The following TET2 variants were observed in gnomAD, a reference collection of about 807,000 sequenced individuals.
TET2 encodes tet methylcytosine dioxygenase 2.
In TET2, 299 loss-of-function variants were observed where a neutral mutation model predicts 142.9. The observed-to-expected ratio is 2.09, with a 90% CI of 1.90 to 2.30. The LOEUF (loss-of-function observed/expected upper bound fraction) is 2.30. Ranked by LOEUF, TET2 falls within the 30% of genes most tolerant of loss-of-function variation. The probability of loss-of-function intolerance (pLI) is 0.00; values close to 1 mark genes in which losing one functional copy is unlikely to be tolerated. For synonymous variants in TET2, 819 were observed against 849.0 expected (o/e 0.96, Z 0.61); for missense variants, 2,418 against 2,378.0 (o/e 1.02, Z -0.35).
chr4:105,196,190 T>A (rs978239540), intron 2 of TET2, among the ~76,000 whole-genome samples: 3 of 151,724 alleles, frequency 2.0e-5, no homozygotes, highest in Non-Finnish European at 4.4e-5. Context: ...GATGATCAGT[T>A]CAAAGTACCT....
chr4:105,267,845 A>G (rs567723103), intron 8 of TET2, among the ~76,000 whole-genome samples: 7 of 152,190 alleles, frequency 4.6e-5, no homozygotes, highest in Middle Eastern at 3.4e-3. Context: ...ATGATGTTGA[A>G]AAGACATAAC....
chr4:105,234,820 G>C lies in TET2; in HGVS notation c.878G>C (p.Ser293Thr), dbSNP rs768027669. Reference protein sequence around the residue: ...ELPPKPAAVVSEACDADDADN... With the variant: ...ELPPKPAAVVTEACDADDADN... ...CCTCCAAAGCCAGCTGCAGTGGTGA[G>C]TGAGGCCTGTGATGCTGATGATGCT... The change falls in exon 3 of 11, where the codon AGT becomes ACT. Residue 293 changes from serine to threonine, a missense_variant. By Grantham distance (58) the Ser-to-Thr change is moderately conservative. Transcript: ENST00000380013. 2 of 1,613,986 alleles carry C rather than the reference G, an allele frequency of 1.2e-6. No homozygotes were observed. The highest frequency in any genetic ancestry group is 1.7e-6 in the Non-Finnish European group (2 of 1,179,974).
intron 9 of TET2, 111 bp downstream of exon 9, chr4:105,269,858 C>G: frequency 6.1e-6 from 8 of 1,308,184 alleles, no homozygotes; most frequent in Non-Finnish European, 8.4e-6. Context: ...AATTGACTCA[C>G]AGTTCCACAT....
Position 105,236,295 on chromosome 4 carries a change from T to G in TET2, c.2353T>G (p.Phe785Val). The G allele has an allele frequency of 6.2e-7, 1 of 1,614,080 alleles. No individual in the cohort carries two copies. The highest frequency in any genetic ancestry group is 1.1e-5 in the South Asian group (1 of 91,088). The stretch of plus-strand genomic sequence containing the variant: ...TGGCCAGACTAAAGTGGAAGAATGT[T>G]TTCATGGTGAAAATCAGTATTCAAA... ...FFGQTKVEEC[F>V]HGENQYSKSS... Residue 785 changes from phenylalanine to valine, a missense_variant, in exon 3 of 11, where the codon TTT becomes GTT. Phe to Val is a conservative substitution (Grantham distance 50, BLOSUM62 -1). Transcript: ENST00000380013.
intron 6 of TET2, among the ~76,000 whole-genome samples, chr4:105,253,759 GT>G: frequency 6.6e-6 from 1 of 151,838 alleles, no homozygotes; most frequent in African/African-American, 2.4e-5. Context: ...TAGCTCTATG[GT>G]TTTGTAGATA....
chr4:105,252,623 G>A (rs180812957), intron 6 of TET2, among the ~76,000 whole-genome samples: 3 of 152,194 alleles, frequency 2.0e-5, no homozygotes, highest in Admixed American at 1.3e-4. Context: ...AGTGCCATTT[G>A]CAGAACAAAC....
intron 1 of TET2, among the ~76,000 whole-genome samples, chr4:105,188,399 T>C (rs1560736561): frequency 6.6e-6 from 1 of 152,180 alleles, no homozygotes; most frequent in South Asian, 2.1e-4. Context: ...TTAATGAGTA[T>C]AGAATTTCTG....
chr4:105,253,589 A>T (rs1036053813), intron 6 of TET2, among the ~76,000 whole-genome samples: 16 of 150,830 alleles, frequency 1.1e-4, no homozygotes, highest in African/African-American at 3.7e-4. Flanking sequence ...CTAGGTGATC[A>T]TGTCATCTAG....
chr4:105,263,203 G>A (rs1391932227), intron 8 of TET2, among the ~76,000 whole-genome samples: 1 of 152,130 alleles, frequency 6.6e-6, no homozygotes, highest in Non-Finnish European at 1.5e-5. Flanking sequence ...AGCCTTAGAC[G>A]CTAAATAAAG....
Position 105,235,493 on chromosome 4 carries a change from A to T in TET2, c.1551A>T (p.Pro517=), listed in dbSNP as rs890730281. 1 of 1,614,018 alleles carries T rather than the reference A, an allele frequency of 6.2e-7. No homozygotes were observed. The highest frequency in any genetic ancestry group is 8.5e-7 in the Non-Finnish European group (1 of 1,180,012). Residue 517 remains proline (P), a synonymous_variant, in exon 3 of 11, where the codon CCA becomes CCT. Coordinates refer to ENST00000380013, the MANE Select transcript of TET2 (RefSeq NM_001127208.3). ...CAGAACACCTCAAGCATAACCCACC[A>T]ATTTTTGGTAGCAGTGGAGAGCTAC... The part of the protein sequence containing the change: ...PMSEHLKHNP[P]IFGSSGELQD...
intron 1 of TET2, among the ~76,000 whole-genome samples, chr4:105,161,136 C>A (rs1173926389): frequency 6.6e-6 from 1 of 152,134 alleles, no homozygotes. Flanking sequence ...CTATTATTCA[C>A]ATATAGAAAC....
intron 1 of TET2, among the ~76,000 whole-genome samples, chr4:105,150,568 AAGCCAGCAGCAATAGAATATCT>A (rs1231215260): frequency 6.6e-6 from 1 of 152,212 alleles, no homozygotes; most frequent in East Asian, 1.9e-4. Flanking sequence ...AATGGTACCA[AAGCCAGCAGCAATAGAATATCT>A]CCCAAGCCAA....
At chr4:105,223,096 C>T (rs962935576) in intron 2 of TET2, among the ~76,000 whole-genome samples, 7 of 152,086 alleles carry the variant, frequency 4.6e-5, no homozygotes, top group African/African-American at 1.7e-4. Context: ...GGTACCAGCA[C>T]CAGGACCATG....
At chr4:105,268,733 G>A (rs2110298851) in intron 8 of TET2, among the ~76,000 whole-genome samples, 1 of 152,320 alleles carries the variant, frequency 6.6e-6, no homozygotes, top group South Asian at 2.1e-4. Flanking sequence ...CACTTTCGGA[G>A]GCCGAGGTGG....
At chr4:105,224,169 A>T (rs1033468735) in intron 2 of TET2, among the ~76,000 whole-genome samples, 1 of 152,118 alleles carries the variant, frequency 6.6e-6, no homozygotes, top group Non-Finnish European at 1.5e-5. Flanking sequence ...GAAAAGCAAT[A>T]AACCAAAAAA....
rs774526495 is a variant in TET2 at position 105,236,725 on chromosome 4, T to C, written c.2783T>C (p.Phe928Ser). The C allele has an allele frequency of 1.2e-6, 2 of 1,614,130 alleles. No individual in the cohort carries two copies. Among genetic ancestry groups the C allele is most frequent in the Admixed American group, 3.3e-5 (2 of 59,998 alleles). ...RYLIHNHANV[F>S]PVPDQGGSHT... is the part of the protein sequence containing the mutation. Reference sequence around the variant, plus strand: ...TTGATACATAACCATGCAAATGTTTTTCCTGTGCCTGACCAGGGAGGAAGT... The same window carrying C: ...TTGATACATAACCATGCAAATGTTTCTCCTGTGCCTGACCAGGGAGGAAGT... The change falls in exon 3 of 11, where the codon TTT (phenylalanine) becomes TCT (serine). Residue 928 changes from phenylalanine to serine, a missense_variant. Phe to Ser is a radical substitution (Grantham distance 155, BLOSUM62 -2). Transcript: ENST00000380013.
In TET2 at chr4:105,190,365, C is replaced by T; in HGVS notation, c.-187C>T. 2 of 671,982 alleles carry T rather than the reference C, an allele frequency of 3.0e-6. No individual in the cohort carries two copies. The highest frequency in any genetic ancestry group is 1.6e-5 in the South Asian group (1 of 62,058). 41.6% of individuals were successfully genotyped at this position (671,982 alleles called of 1,614,324 possible). A position where few individuals can be genotyped will look rare whatever the true frequency, so the allele number is the denominator to read the frequency against. On this transcript the variant is annotated 5_prime_UTR_variant, in exon 2 of 11. Coordinates refer to ENST00000380013, the MANE Select transcript of TET2 (RefSeq NM_001127208.3). ...TCAAACTCTGTCTTCTCTAGGCTGGCAAACATTCAGCAGCACACCCTCTCA... is the reference window on the plus strand; with the variant it reads ...TCAAACTCTGTCTTCTCTAGGCTGGTAAACATTCAGCAGCACACCCTCTCA...
At chr4:105,212,564 G>A (rs1481637528) in intron 2 of TET2, among the ~76,000 whole-genome samples, 4 of 151,918 alleles carry the variant, frequency 2.6e-5, no homozygotes, top group Admixed American at 6.6e-5. Context: ...AAATTTGAGA[G>A]TCCCAAAATT....
intron 2 of TET2, among the ~76,000 whole-genome samples, chr4:105,225,369 C>T (rs546697593): frequency 4.6e-5 from 7 of 152,228 alleles, no homozygotes; most frequent in South Asian, 2.1e-4. Flanking sequence ...AAATTGCGCT[C>T]TATGAGTTTT....
Sources: gnomAD v4.1 joint callset for allele counts (sites outside exome capture counted in the v4.1 genomes callset) on GRCh38, gnomAD v4.1.1 for gene constraint, MANE v1.5 for transcripts, NCBI Gene and HGNC (gene_info 2026-07-23, HGNC 2026-07-21) for gene names.